RPS6KA3: variants seen among roughly 807,000 people sequenced by gnomAD.
RPS6KA3 encodes the protein ribosomal protein S6 kinase alpha-3.
Under a neutral mutation model 67.2 loss-of-function variants are expected in RPS6KA3, and 4 were observed. The ratio of observed to expected loss-of-function variants is 0.06; its 90% CI spans 0.03 to 0.14. The LOEUF (loss-of-function observed/expected upper bound fraction) is 0.14, where lower values mean the gene tolerates loss of function less well. Among genes scored for constraint, RPS6KA3 ranks in the 10% least tolerant of loss-of-function variants. The pLI is 1.00. For missense variants in RPS6KA3, 204 were observed against 559.0 expected, an observed-to-expected ratio of 0.36 and a Z score of 6.40; for synonymous variants, 182 against 183.7, an observed-to-expected ratio of 0.99 and a Z score of 0.07.
chrX:20,201,976 CTT>C (rs1282039865), intron 4 of RPS6KA3, among the ~76,000 whole-genome samples: 1 of 82,759 alleles, frequency 1.2e-5, no homozygotes, highest in Admixed American at 1.4e-4. Context: ...TTTCTTTTTT[CTT>C]TTTTTTTTTT....
intron 1 of RPS6KA3, among the ~76,000 whole-genome samples, chrX:20,238,123 C>A (rs1314331368): frequency 9.0e-6 from 1 of 111,403 alleles, no homozygotes; most frequent in Non-Finnish European, 1.9e-5. Context: ...TCAAACATTT[C>A]TTTAAGACAG....
At chrX:20,184,240 G>C (rs779164047) in intron 10 of RPS6KA3, among the ~76,000 whole-genome samples, 1 of 110,498 alleles carries the variant, frequency 9.0e-6, no homozygotes, top group South Asian at 3.9e-4. Flanking sequence ...GTAGAGACAG[G>C]GTTTTGCCAT....
intron 1 of RPS6KA3, among the ~76,000 whole-genome samples, chrX:20,260,495 G>C (rs1376228509): frequency 9.0e-6 from 1 of 111,138 alleles, no homozygotes; most frequent in African/African-American, 3.3e-5. Flanking sequence ...CTGAGGAAGG[G>C]ATCAATGCAA....
At chrX:20,197,709 C>T (rs1428257076) in intron 4 of RPS6KA3, among the ~76,000 whole-genome samples, 1 of 111,792 alleles carries the variant, frequency 8.9e-6, no homozygotes, top group Non-Finnish European at 1.9e-5. Flanking sequence ...ATTCTAATCT[C>T]GTTTCTTTTG....
At chrX:20,171,262 G>C (rs1347515204) in intron 15 of RPS6KA3, among the ~76,000 whole-genome samples, 1 of 111,818 alleles carries the variant, frequency 8.9e-6, no homozygotes, top group Non-Finnish European at 1.9e-5. Flanking sequence ...ACTGCTTGGG[G>C]ATCAGCACTC....
At chrX:20,244,633 A>G (rs1410593475) in intron 1 of RPS6KA3, among the ~76,000 whole-genome samples, 1 of 111,946 alleles carries the variant, frequency 8.9e-6, no homozygotes, top group African/African-American at 3.2e-5. Context: ...AAATTTGCAG[A>G]TAAGATAATT....
intron 1 of RPS6KA3, among the ~76,000 whole-genome samples, chrX:20,260,406 A>C (rs1457206608): frequency 5.4e-5 from 6 of 112,084 alleles, no homozygotes; most frequent in African/African-American, 1.9e-4. Context: ...AGCAATGTTA[A>C]AAATGTGAAC....
intron 1 of RPS6KA3, among the ~76,000 whole-genome samples, chrX:20,250,113 T>C (rs2069822154): frequency 8.9e-6 from 1 of 112,221 alleles, no homozygotes; most frequent in Non-Finnish European, 1.9e-5. Flanking sequence ...CACTGATCTA[T>C]GTGTGTATCC....
chrX:20,210,023 G>C (rs1053918476), intron 2 of RPS6KA3, among the ~76,000 whole-genome samples: 4 of 111,851 alleles, frequency 3.6e-5, no homozygotes, highest in Non-Finnish European at 7.5e-5. Context: ...AACACAAAAG[G>C]AGAAAAGATT....
chrX:20,266,897 C>G lies in RPS6KA3; in HGVS notation c.-265G>C. The G allele has an allele frequency of 3.5e-6, 2 of 575,956 alleles. No homozygotes were observed. The highest frequency in any genetic ancestry group is 1.7e-4 in the South Asian group (2 of 11,798). 47.5% of individuals were successfully genotyped at this position (575,956 alleles called of 1,213,427 possible). A position where few individuals can be genotyped will look rare whatever the true frequency, so the allele number is the denominator to read the frequency against. On this transcript the variant is annotated 5_prime_UTR_variant, in exon 1 of 22. Transcript: ENST00000379565. Reference sequence around the variant, plus strand: ...CTCGCGCCTCCGCTGGGCACCGGGTCTCGCCCCTTTCTTCCTCTCCTCCTT... The same window carrying G: ...CTCGCGCCTCCGCTGGGCACCGGGTGTCGCCCCTTTCTTCCTCTCCTCCTT...
At position 20,155,417 on chromosome X, in the gene RPS6KA3, ATTT is replaced by A; in HGVS notation, c.2201_2203del (p.Lys734del). On this transcript the variant is annotated inframe_deletion, in exon 22 of 22. Transcript: ENST00000379565. ...GTCACTTCACAGGGCTGTTGAGGTG[ATTT>A]TTTTAATACCTCTCCGCTGAGCAAG... 8.3e-7 allele frequency: 1 copy of A among 1,210,503 alleles called. No homozygotes were observed. Among genetic ancestry groups the A allele is most frequent in the Non-Finnish European group, 1.1e-6 (1 of 894,953 alleles).
intron 2 of RPS6KA3, among the ~76,000 whole-genome samples, chrX:20,231,094 G>T (rs1468378006): frequency 9.1e-6 from 1 of 110,458 alleles, no homozygotes; most frequent in Non-Finnish European, 1.9e-5. Flanking sequence ...AAGTAGCTGG[G>T]ACCACAGCAT....
chrX:20,173,601 T>C (rs1176039625), intron 14 of RPS6KA3, among the ~76,000 whole-genome samples: 1 of 112,298 alleles, frequency 8.9e-6, no homozygotes, highest in Non-Finnish European at 1.9e-5. Flanking sequence ...TCCATGCCTA[T>C]GAGCTTTGTA....
chrX:20,228,230 A>G (rs919716676), intron 2 of RPS6KA3, among the ~76,000 whole-genome samples: 3 of 111,832 alleles, frequency 2.7e-5, no homozygotes, highest in Non-Finnish European at 5.6e-5. Context: ...ATAACTGGTG[A>G]TATTTGGCTT....
In RPS6KA3 at chrX:20,221,192, CAAAT is replaced by C. The variant is rs1423380945; in HGVS notation, c.127-11792_127-11789del. Among the ~76,000 whole-genome samples the C allele has an allele frequency of 2.7e-5, 3 of 111,601 alleles. No homozygotes were observed. In the Admixed American group the frequency reaches 2.9e-4, roughly 11 times the overall value. On this transcript the variant is annotated intron_variant, in intron 2 of 21. Coordinates refer to ENST00000379565, the MANE Select transcript of RPS6KA3 (RefSeq NM_004586.3). The stretch of plus-strand genomic sequence containing the variant: ...ATACCAAATATCACACATAAGACCT[CAAAT>C]AAATGGCTGCCTTAATAAATATCAT...
At chrX:20,237,155 C>T (rs1396951691) in intron 1 of RPS6KA3, among the ~76,000 whole-genome samples, 3 of 111,585 alleles carry the variant, frequency 2.7e-5, no homozygotes, top group Admixed American at 9.5e-5. Flanking sequence ...AGTTTTCTTA[C>T]GTCCAAAATT....
chrX:20,255,328 G>A (rs1246955461), intron 1 of RPS6KA3, among the ~76,000 whole-genome samples: 1 of 108,160 alleles, frequency 9.2e-6, no homozygotes, highest in Non-Finnish European at 1.9e-5. Flanking sequence ...TGGGGGAATG[G>A]AGGAAATGGG....
In RPS6KA3 at chrX:20,254,372, T is replaced by C. The variant is rs911004629; in HGVS notation, c.69+12192A>G. On this transcript the variant is annotated intron_variant, in intron 1 of 21. Transcript: ENST00000379565. Reference sequence around the variant, plus strand: ...ACTGCCCCAATCTTTGTTTTCTTTCTGTAACTTTCTTTTTTAAGTTCTATA... The same window carrying C: ...ACTGCCCCAATCTTTGTTTTCTTTCCGTAACTTTCTTTTTTAAGTTCTATA... Among the ~76,000 whole-genome samples, 5 of 112,307 alleles carry C rather than the reference T, an allele frequency of 4.5e-5. No homozygotes were observed. In the East Asian group the frequency reaches 1.1e-3, roughly 25 times the overall value.
At chrX:20,203,933 A>G in intron 4 of RPS6KA3, 89 bp downstream of exon 4, 1 of 682,899 alleles carries the variant, frequency 1.5e-6, no homozygotes, top group South Asian at 2.2e-5. Flanking sequence ...TCAGAATGTA[A>G]ATAACATGCC....
Sources: gnomAD v4.1 joint callset for allele counts (sites outside exome capture counted in the v4.1 genomes callset) on GRCh38, gnomAD v4.1.1 for gene constraint, MANE v1.5 for transcripts, NCBI Gene and HGNC (gene_info 2026-07-23, HGNC 2026-07-21) for gene names.